Variants in KLHDC10 observed in about 807,000 individuals in gnomAD.
The protein encoded by KLHDC10 is kelch domain-containing protein 10.
A neutral mutation model predicts 56.1 loss-of-function variants in KLHDC10; 24 were observed. The ratio of observed to expected loss-of-function variants is 0.43; its 90% CI spans 0.31 to 0.60. The LOEUF is 0.60. KLHDC10 is among the 20% of genes least tolerant of loss of function. The pLI, the probability that KLHDC10 is intolerant of heterozygous loss-of-function variation, is 0.11. For missense variants in KLHDC10, 349 were observed against 567.0 expected (o/e 0.62, Z 3.91); for synonymous variants, 188 against 207.1 (o/e 0.91, Z 0.79).
rs1796236000 is a variant in KLHDC10 at position 130,120,679 on chromosome 7, T to G, written c.476-70T>G. The G allele has an allele frequency of 1.4e-5, 22 of 1,527,212 alleles. No individual in the cohort carries two copies. The South Asian group carries it at 2.6e-4, about 18-fold the overall frequency. The allele number at this position is 1,527,212 out of a possible 1,614,324, so 94.6% of individuals were successfully genotyped here. On this transcript the variant is annotated intron_variant, in intron 3 of 9. Coordinates refer to ENST00000335420, the MANE Select transcript of KLHDC10 (RefSeq NM_014997.4). The surrounding 1 kb of genome is among the most constrained non-coding windows in gnomAD (Gnocchi z 5.1). Reference sequence around the variant, plus strand: ...GCAGATATGTGTAGCTTCTCAGATATTCTGGGTTTATGTGGGAACAAATTG... The same window carrying G: ...GCAGATATGTGTAGCTTCTCAGATAGTCTGGGTTTATGTGGGAACAAATTG...
At chr7:130,106,748 T>C (rs1584630977) in intron 2 of KLHDC10, among the ~76,000 whole-genome samples, 1 of 151,966 alleles carries the variant, frequency 6.6e-6, no homozygotes, top group Non-Finnish European at 1.5e-5. Flanking sequence ...GAGGCTGAGG[T>C]GGGAGGATCT....
chr7:130,096,140 A>G (rs1481387147), intron 1 of KLHDC10, among the ~76,000 whole-genome samples: 1 of 152,204 alleles, frequency 6.6e-6, no homozygotes, highest in Non-Finnish European at 1.5e-5. Flanking sequence ...TATATGTGAA[A>G]GCTCTTTGTA....
chr7:130,078,507 G>A (rs563965869), intron 1 of KLHDC10, among the ~76,000 whole-genome samples: 7 of 152,038 alleles, frequency 4.6e-5, no homozygotes, highest in South Asian at 4.2e-4. Flanking sequence ...ATAAGCCTCC[G>A]CGCCCTGCCT....
chr7:130,084,027 T>C (rs1795647647), intron 1 of KLHDC10, among the ~76,000 whole-genome samples: 2 of 152,244 alleles, frequency 1.3e-5, no homozygotes, highest in East Asian at 3.8e-4. Flanking sequence ...TCCAAATCTG[T>C]GATTTTCAAT....
chr7:130,121,981 G>T (rs1318338601), intron 4 of KLHDC10, 73 bp from the exon 5 acceptor site: 9 of 1,294,470 alleles, frequency 7.0e-6, no homozygotes, highest in Non-Finnish European at 9.5e-6. Context: ...CTGATTTGGA[G>T]GTATCTGGTA....
Position 130,124,927 on chromosome 7 carries a change from A to T in KLHDC10, c.864+392A>T, listed in dbSNP as rs1796295042. On this transcript the variant is annotated intron_variant, in intron 6 of 9. Transcript: ENST00000335420. ...GCTTGTTTAGGGTTGCACGTCATGAACTTGAGAAAGCTGAGCTCTAAAGGG... is the reference window on the plus strand; with the variant it reads ...GCTTGTTTAGGGTTGCACGTCATGATCTTGAGAAAGCTGAGCTCTAAAGGG... Among the ~76,000 whole-genome samples, 2 of 152,160 alleles carry T rather than the reference A, an allele frequency of 1.3e-5. 1 individual carries two copies. The highest frequency in any genetic ancestry group is 4.1e-4 in the South Asian group (2 of 4,828).
At chr7:130,128,889 A>AAAATATATAT in intron 8 of KLHDC10, among the ~76,000 whole-genome samples, 32 of 66,950 alleles carry the variant, frequency 4.8e-4, no homozygotes, top group South Asian at 1.1e-3. Context: ...AAAAAAAAAA[A>AAAATATATAT]ATATATATAT....
At chr7:130,122,861 T>TG (rs1477573182) in intron 5 of KLHDC10, among the ~76,000 whole-genome samples, 1 of 152,206 alleles carries the variant, frequency 6.6e-6, no homozygotes, top group Non-Finnish European at 1.5e-5. Context: ...TTTCCCTTCT[T>TG]AACTTGCATA....
chr7:130,120,847 A>G lies in KLHDC10; in HGVS notation c.574A>G (p.Lys192Glu). ...NDVHVCNVKY[K>E]RWALLSCRGK... ...CGTCCATGTGTGTAATGTGAAGTATAAGAGATGGGCTTTGCTCAGCTGTCG... is the reference window on the plus strand; with the variant it reads ...CGTCCATGTGTGTAATGTGAAGTATGAGAGATGGGCTTTGCTCAGCTGTCG... The change falls in exon 4 of 10, where the codon AAG becomes GAG. Residue 192 changes from lysine to glutamate, a missense_variant. Physicochemically the swap from Lys to Glu is moderately conservative, Grantham distance 56. Transcript: ENST00000335420. The surrounding 1 kb of genome is among the most constrained non-coding windows in gnomAD (Gnocchi z 5.1). 1 of 1,614,166 alleles carries G rather than the reference A, an allele frequency of 6.2e-7. No individual in the cohort carries two copies. Among genetic ancestry groups the G allele is most frequent in the South Asian group, 1.1e-5 (1 of 91,086 alleles).
chr7:130,101,786 C>T (rs1457089601), intron 2 of KLHDC10, among the ~76,000 whole-genome samples: 4 of 151,796 alleles, frequency 2.6e-5, no homozygotes, highest in Admixed American at 2.6e-4. Flanking sequence ...CTAGCTAACA[C>T]GGTGAAACCC....
At chr7:130,090,213 C>A (rs1362396531) in intron 1 of KLHDC10, among the ~76,000 whole-genome samples, 2 of 152,004 alleles carry the variant, frequency 1.3e-5, no homozygotes, top group African/African-American at 4.8e-5. Context: ...CATATTGGCA[C>A]CATCTTTTTT....
intron 1 of KLHDC10, among the ~76,000 whole-genome samples, chr7:130,085,524 G>A (rs918860106): frequency 2.6e-5 from 4 of 151,154 alleles, no homozygotes; most frequent in African/African-American, 4.9e-5. Flanking sequence ...CGAGAGCAAG[G>A]TAGGATAAGG....
chr7:130,083,675 G>A (rs551185310), intron 1 of KLHDC10, among the ~76,000 whole-genome samples: 26 of 152,102 alleles, frequency 1.7e-4, no homozygotes, highest in African/African-American at 5.3e-4. Flanking sequence ...GCTTGAACCC[G>A]GGAGGTGGAG....
chr7:130,110,527 T>C (rs1343357267), intron 2 of KLHDC10, among the ~76,000 whole-genome samples: 1 of 152,170 alleles, frequency 6.6e-6, no homozygotes, highest in Admixed American at 6.5e-5. Flanking sequence ...TATTGTGGGC[T>C]GGTGTGAATG....
At chr7:130,091,923 T>G (rs1054519989) in intron 1 of KLHDC10, among the ~76,000 whole-genome samples, 3 of 152,210 alleles carry the variant, frequency 2.0e-5, no homozygotes, top group Admixed American at 1.3e-4. Context: ...ATAAAAAAAT[T>G]TCTTTATTTC....
chr7:130,122,680 A>C (rs1796263912), intron 5 of KLHDC10, among the ~76,000 whole-genome samples: 1 of 152,132 alleles, frequency 6.6e-6, no homozygotes, highest in South Asian at 2.1e-4. Flanking sequence ...CCTCCGCCCA[A>C]GTAGCTGGGA....
chr7:130,072,139 A>G (rs1026709972), intron 1 of KLHDC10, among the ~76,000 whole-genome samples: 1 of 152,196 alleles, frequency 6.6e-6, no homozygotes, highest in African/African-American at 2.4e-5. Flanking sequence ...CTTACTCCCA[A>G]TTAATAATAA....
intron 2 of KLHDC10, among the ~76,000 whole-genome samples, chr7:130,107,188 G>C (rs1265897153): frequency 6.6e-6 from 1 of 151,914 alleles, no homozygotes; most frequent in Non-Finnish European, 1.5e-5. Flanking sequence ...TAAAAAAAAC[G>C]AGACAAAGAT....
chr7:130,128,889 A>AAAAAAAATATAT, intron 8 of KLHDC10, among the ~76,000 whole-genome samples: 19 of 66,952 alleles, frequency 2.8e-4, no homozygotes, highest in African/African-American at 1.2e-3. Context: ...AAAAAAAAAA[A>AAAAAAAATATAT]ATATATATAT....
Sources: allele counts gnomAD v4.1 joint callset (sites outside exome capture counted in the v4.1 genomes callset), GRCh38; gene constraint gnomAD v4.1.1; non-coding constraint Gnocchi (gnomAD v3.1); transcripts MANE v1.5; gene names NCBI Gene and HGNC (gene_info 2026-07-23, HGNC 2026-07-21).